Variants in SLC30A9 observed in about 807,000 individuals in gnomAD.
SLC30A9 encodes proton-coupled zinc antiporter SLC30A9, mitochondrial.
SLC30A9 carries 58 observed loss-of-function variants against 87.5 expected under a neutral mutation model. That is an observed-to-expected ratio of 0.66 (90% confidence interval 0.54 to 0.82). SLC30A9 has a LOEUF of 0.82. Ranked by LOEUF, SLC30A9 falls within the 40% of genes least tolerant of loss-of-function variation. The pLI is 0.00. For synonymous variants in SLC30A9, 234 were observed against 233.0 expected (o/e 1.00, Z -0.04); for missense variants, 557 against 679.1 (o/e 0.82, Z 2.00).
At chr4:42,005,093 A>G (rs1473079154) in intron 2 of SLC30A9, among the ~76,000 whole-genome samples, 1 of 152,222 alleles carries the variant, frequency 6.6e-6, no homozygotes, top group Non-Finnish European at 1.5e-5. Flanking sequence ...ATTCTGCTAT[A>G]TGAAATCTTT....
chr4:41,998,734 G>A (rs1019961853), intron 1 of SLC30A9, among the ~76,000 whole-genome samples: 3 of 152,112 alleles, frequency 2.0e-5, no homozygotes, highest in Admixed American at 6.5e-5. Context: ...AAAGTGTTGG[G>A]ATTACAGGCA....
Position 42,078,226 on chromosome 4 carries a change from G to A in SLC30A9, c.1563G>A (p.Val521=), listed in dbSNP as rs1718631557. The A allele has an allele frequency of 6.6e-7, 1 of 1,518,794 alleles. No homozygotes were observed. The highest frequency in any genetic ancestry group is 2.4e-5 in the East Asian group (1 of 42,492). The allele number at this position is 1,518,794 out of a possible 1,614,324, so 94.1% of individuals were successfully genotyped here. ...TTTCTTTATAGGAAATTCAAGAAGTGAAAACTCCTGAAGAACTAGAGACCT... is the reference window on the plus strand; with the variant it reads ...TTTCTTTATAGGAAATTCAAGAAGTAAAAACTCCTGAAGAACTAGAGACCT... ...FDQMLQEIQE[V]KTPEELETFM... is the part of the protein sequence containing the mutation. The change falls in exon 17 of 18, where the codon GTG becomes GTA. Residue 521 remains valine, a synonymous_variant. Coordinates refer to ENST00000264451, the MANE Select transcript of SLC30A9 (RefSeq NM_006345.4).
chr4:42,039,154 T>G, intron 8 of SLC30A9, 101 bp downstream of exon 8: 1 of 870,198 alleles, frequency 1.1e-6, no homozygotes, highest in South Asian at 1.6e-5. Context: ...GCTATAGAGT[T>G]TGAGGTTTAT....
intron 11 of SLC30A9, among the ~76,000 whole-genome samples, chr4:42,064,995 CAA>C (rs1001530409): frequency 6.6e-6 from 1 of 151,840 alleles, no homozygotes; most frequent in African/African-American, 2.4e-5. Context: ...TACCAAAAAA[CAA>C]ACATTGGTTA....
At chr4:42,050,646 T>C (rs1396704472) in intron 9 of SLC30A9, among the ~76,000 whole-genome samples, 1 of 152,222 alleles carries the variant, frequency 6.6e-6, no homozygotes, top group South Asian at 2.1e-4. Context: ...CAAAATACTA[T>C]GTTCAGAACT....
At chr4:42,033,159 T>G (rs1716519307) in intron 6 of SLC30A9, among the ~76,000 whole-genome samples, 1 of 152,170 alleles carries the variant, frequency 6.6e-6, no homozygotes, top group Non-Finnish European at 1.5e-5. Flanking sequence ...TTGCTTCTGA[T>G]TTTTAAAAAT....
rs36063492 is a variant in SLC30A9 at position 42,014,555 on chromosome 4, C to CAA, written c.275-3543_275-3542dup. Among the ~76,000 whole-genome samples, 228 of 128,942 alleles carry CAA rather than the reference C, an allele frequency of 1.8e-3. 1 individual carries two copies. Among genetic ancestry groups the CAA allele is most frequent in the South Asian group, 8.7e-3 (36 of 4,122 alleles). 84.6% of individuals were successfully genotyped at this position (128,942 alleles called of 152,430 possible). ...CTGGCGACAGAGCGAGACTCCGTCG[C>CAA]AAAAAAAAAAAAAAGGAAATCGGTA... is the stretch of plus-strand genomic sequence containing the variant. On this transcript the variant is annotated intron_variant, in intron 2 of 17. Transcript: ENST00000264451.
intron 1 of SLC30A9, among the ~76,000 whole-genome samples, chr4:41,990,996 C>T (rs771907102): frequency 3.3e-5 from 5 of 152,256 alleles, no homozygotes; most frequent in Non-Finnish European, 7.3e-5. Context: ...GTGGGCACCT[C>T]GCGGGCCGGA....
intron 9 of SLC30A9, among the ~76,000 whole-genome samples, chr4:42,054,915 C>T (rs1202715134): frequency 6.6e-6 from 1 of 152,122 alleles, no homozygotes; most frequent in Non-Finnish European, 1.5e-5. Context: ...TGGTACGATG[C>T]TTGGAATTTA....
chr4:42,035,216 A>G (rs1433988664), intron 6 of SLC30A9, 59 bp from the exon 7 acceptor site: 7 of 1,503,742 alleles, frequency 4.7e-6, no homozygotes, highest in South Asian at 1.1e-5. Flanking sequence ...TATCATGTTC[A>G]TCTAAACTGT....
chr4:42,021,578 G>A (rs1448813529), intron 4 of SLC30A9, among the ~76,000 whole-genome samples: 1 of 152,016 alleles, frequency 6.6e-6, no homozygotes, highest in African/African-American at 2.4e-5. Context: ...TAAGAGAAAG[G>A]AAAATAAATA....
intron 3 of SLC30A9, among the ~76,000 whole-genome samples, chr4:42,018,981 C>CA (rs2153135103): frequency 1.4e-5 from 1 of 69,442 alleles, no homozygotes; most frequent in South Asian, 7.8e-4. Flanking sequence ...ACATGAAACT[C>CA]ACGCAAAAAA....
At chr4:42,075,051 A>T (rs1577723314) in intron 15 of SLC30A9, among the ~76,000 whole-genome samples, 5 of 24,066 alleles carry the variant, frequency 2.1e-4, no homozygotes, top group East Asian at 3.7e-3. Context: ...ATATATATAT[A>T]TATATATATT....
At chr4:42,038,926 G>A (rs969202506) in intron 7 of SLC30A9, 60 bp from the exon 8 acceptor site, 1 of 1,148,590 alleles carries the variant, frequency 8.7e-7, no homozygotes. Context: ...AAAGCCACCA[G>A]TTACAGTGCT....
intron 1 of SLC30A9, among the ~76,000 whole-genome samples, chr4:42,001,102 A>G (rs980489534): frequency 3.3e-5 from 5 of 152,080 alleles, no homozygotes; most frequent in African/African-American, 1.2e-4. Flanking sequence ...CTCAATTAAA[A>G]TTCCCCATTT....
At chr4:42,019,560 A>G (rs1201062731) in intron 3 of SLC30A9, among the ~76,000 whole-genome samples, 1 of 152,152 alleles carries the variant, frequency 6.6e-6, no homozygotes, top group Non-Finnish European at 1.5e-5. Flanking sequence ...GTTTTATTAC[A>G]TTATGTGAAA....
chr4:42,050,486 AGTTT>A (rs1717341569), intron 9 of SLC30A9, among the ~76,000 whole-genome samples: 1 of 152,186 alleles, frequency 6.6e-6, no homozygotes. Context: ...TGATGTTATT[AGTTT>A]CAATATTAGT....
At chr4:42,019,900 T>C (rs1300462608) in intron 3 of SLC30A9, among the ~76,000 whole-genome samples, 2 of 152,038 alleles carry the variant, frequency 1.3e-5, no homozygotes, top group East Asian at 3.8e-4. Flanking sequence ...TTCAAGTGGT[T>C]CTCATGCCTC....
chr4:42,054,791 G>A (rs530518883), intron 9 of SLC30A9, among the ~76,000 whole-genome samples: 1 of 151,610 alleles, frequency 6.6e-6, no homozygotes, highest in South Asian at 2.1e-4. Flanking sequence ...ATGAGCCACC[G>A]CACCCGGCCA....
Sources: gnomAD v4.1 joint callset for allele counts (sites outside exome capture counted in the v4.1 genomes callset) on GRCh38, gnomAD v4.1.1 for gene constraint, MANE v1.5 for transcripts, NCBI Gene and HGNC (gene_info 2026-07-23, HGNC 2026-07-21) for gene names.